RBM25: variants seen among roughly 807,000 people sequenced by gnomAD.
RBM25 encodes RNA-binding protein 25.
Under a neutral mutation model 120.7 loss-of-function variants are expected in RBM25, and 19 were observed. The observed-to-expected ratio is 0.16, with a 90% confidence interval of 0.11 to 0.23. RBM25 has a LOEUF of 0.23. RBM25 is among the 10% of genes least tolerant of loss of function. The pLI is 1.00. For missense variants in RBM25, 605 were observed against 1,041.5 expected (o/e 0.58, Z 5.77); for synonymous variants, 390 against 326.7 (o/e 1.19, Z -2.09).
At chr14:73,082,521 G>A (rs772154877) in intron 4 of RBM25, among the ~76,000 whole-genome samples, 1 of 152,020 alleles carries the variant, frequency 6.6e-6, no homozygotes, top group Non-Finnish European at 1.5e-5. Flanking sequence ...GAACTCCTGG[G>A]CTCAAGCAAT....
intron 2 of RBM25, among the ~76,000 whole-genome samples, chr14:73,071,979 CTTTT>C (rs915182451): frequency 7.0e-6 from 1 of 143,372 alleles, no homozygotes; most frequent in Non-Finnish European, 1.5e-5. Context: ...TTAAAAAATT[CTTTT>C]TTTTTTTGAG....
intron 1 of RBM25, chr14:73,070,038 G>A (rs1895244539): frequency 6.6e-6 from 1 of 151,892 alleles, no homozygotes; most frequent in East Asian, 1.9e-4. Flanking sequence ...TCTTTAACAT[G>A]ACAAACTAAG....
intron 1 of RBM25, among the ~76,000 whole-genome samples, chr14:73,060,031 T>G (rs547606240): frequency 7.9e-5 from 12 of 152,274 alleles, no homozygotes; most frequent in East Asian, 3.9e-4. Context: ...GTAATTTTTT[T>G]TTTTGTTTTG....
At chr14:73,087,943 A>T (rs1895726219) in intron 5 of RBM25, 58 bp from the exon 6 acceptor site, 1 of 1,543,562 alleles carries the variant, frequency 6.5e-7, no homozygotes, top group Admixed American at 2.0e-5. Context: ...CTTTTCCATA[A>T]TTTTTTTTCT....
Position 73,110,953 on chromosome 14 carries a change from G to A in RBM25, c.1815G>A (p.Glu605=), listed in dbSNP as rs1896298896. Residue 605 remains glutamate (E), a synonymous_variant, in exon 15 of 19, where the codon GAG becomes GAA. Coordinates refer to ENST00000261973, the MANE Select transcript of RBM25 (RefSeq NM_021239.3). ...EKREEPMEEE[E]EPEQKPCLKP... ...GAGAAGAACCCATGGAAGAGGAAGA[G>A]GAGCCAGAGCAAAAGCCTTGTCTGA... 1 of 1,612,806 alleles carries A rather than the reference G, an allele frequency of 6.2e-7. No individual in the cohort carries two copies. The highest frequency in any genetic ancestry group is 8.5e-7 in the Non-Finnish European group (1 of 1,179,308).
rs780600489 is a variant in RBM25, at chr14:73,103,338, G to A, written c.1014G>A (p.Glu338=). 1 of 1,593,518 alleles carries A rather than the reference G, an allele frequency of 6.3e-7. No homozygotes were observed. The highest frequency in any genetic ancestry group is 8.6e-7 in the Non-Finnish European group (1 of 1,168,884). The change falls in exon 10 of 19, where the codon GAG becomes GAA. Residue 338 remains glutamate, a synonymous_variant. Transcript: ENST00000261973. ...EREREREREK[E]KERERERERD... ...AAAGAGAACGTGAACGAGAAAAGGA[G>A]AAAGAACGGGAGCGGGAACGAGAAC...
At chr14:73,061,302 A>G (rs1021323127) in intron 1 of RBM25, among the ~76,000 whole-genome samples, 3 of 150,934 alleles carry the variant, frequency 2.0e-5, no homozygotes, top group African/African-American at 7.3e-5. Context: ...CAGGTGATCC[A>G]CCCGCCTTGG....
chr14:73,062,220 CA>C (rs986083350), intron 1 of RBM25, among the ~76,000 whole-genome samples: 2 of 151,216 alleles, frequency 1.3e-5, no homozygotes, highest in African/African-American at 2.4e-5. Flanking sequence ...GATTTCCAAA[CA>C]ATTGAGTATT....
intron 13 of RBM25, among the ~76,000 whole-genome samples, chr14:73,108,918 C>T (rs758569085): frequency 2.0e-4 from 31 of 152,294 alleles, no homozygotes; most frequent in South Asian, 6.2e-4. Context: ...ACACTACTTT[C>T]TGAGATAATT....
At chr14:73,114,871 G>C (rs1896391352) in intron 18 of RBM25, among the ~76,000 whole-genome samples, 1 of 152,174 alleles carries the variant, frequency 6.6e-6, no homozygotes, top group Non-Finnish European at 1.5e-5. Flanking sequence ...CTCCAGCCTG[G>C]TGACAGAGTG....
At position 73,061,534 on chromosome 14, in the gene RBM25, A is replaced by AT. The variant is rs147538251; in HGVS notation, c.-16+2834dup. 1.0e-2 allele frequency among the ~76,000 whole-genome samples: 1,506 copies of AT among 151,010 alleles called. 80 individuals are homozygous for AT. Among genetic ancestry groups the AT allele is most frequent in the Middle Eastern group, 0.034 (10 of 294 alleles). On this transcript the variant is annotated intron_variant, in intron 1 of 18. Transcript: ENST00000261973. ...CCACCCCAGTTTCAGGCAAGCCCTCATTTTTCTGTATAGATAGTAGTAGAT... is the reference window on the plus strand; with the variant it reads ...CCACCCCAGTTTCAGGCAAGCCCTCATTTTTTCTGTATAGATAGTAGTAGAT...
chr14:73,083,084 GAAAA>G (rs1230844413), intron 4 of RBM25, among the ~76,000 whole-genome samples: 1 of 150,524 alleles, frequency 6.6e-6, no homozygotes, highest in Non-Finnish European at 1.5e-5. Flanking sequence ...CGTCTCAAAA[GAAAA>G]AAAAATCCTT....
intron 1 of RBM25, among the ~76,000 whole-genome samples, chr14:73,066,175 G>A (rs1049732386): frequency 1.3e-5 from 2 of 152,106 alleles, no homozygotes; most frequent in African/African-American, 4.8e-5. Context: ...TTTAAAAAGA[G>A]ATACCACCCC....
intron 9 of RBM25, chr14:73,102,893 C>A: frequency 3.4e-6 from 1 of 289,890 alleles, no homozygotes; most frequent in Non-Finnish European, 6.3e-6. Context: ...TTCGAACCAC[C>A]ACATTCTTCA....
intron 6 of RBM25, among the ~76,000 whole-genome samples, chr14:73,094,047 G>GT (rs1333850923): frequency 1.3e-5 from 2 of 149,722 alleles, no homozygotes; most frequent in Non-Finnish European, 3.0e-5. Context: ...CGCCTCCCGG[G>GT]TTCACGCCAT....
At position 73,103,962 on chromosome 14, in the gene RBM25, A is replaced by ACG. The variant is rs1896120960; in HGVS notation, c.1154+485_1154+486insGC. ...CTCTCTCTCTCTCACACACACACAC[A>ACG]CACACACACACACACACACACACAC... is the stretch of plus-strand genomic sequence containing the variant. On this transcript the variant is annotated intron_variant, in intron 10 of 18. Transcript: ENST00000261973. Among the ~76,000 whole-genome samples, 2 of 121,232 alleles carry ACG rather than the reference A, an allele frequency of 1.6e-5. 1 individual carries two copies. The highest frequency in any genetic ancestry group is 6.4e-5 in the African/African-American group (2 of 31,016). 79.5% of individuals were successfully genotyped at this position (121,232 alleles called of 152,430 possible).
rs1054339912 is a variant in RBM25 at position 73,121,781 on chromosome 14, T to C, written c.*1976T>C. Reference sequence around the variant, plus strand: ...TCTCCTGCTCTGTCAACTGTACTTATCTTAAAGGGCCACTCTAAAAACAAG... The same window carrying C: ...TCTCCTGCTCTGTCAACTGTACTTACCTTAAAGGGCCACTCTAAAAACAAG... On this transcript the variant is annotated 3_prime_UTR_variant, in exon 19 of 19. Coordinates refer to ENST00000261973, the MANE Select transcript of RBM25 (RefSeq NM_021239.3). The C allele has an allele frequency of 1.3e-5, 2 of 152,244 alleles. No homozygotes were observed. Among genetic ancestry groups the C allele is most frequent in the East Asian group, 1.9e-4 (1 of 5,200 alleles). 9.4% of individuals were successfully genotyped at this position (152,244 alleles called of 1,614,324 possible).
chr14:73,091,966 T>A (rs1002501564), intron 6 of RBM25, among the ~76,000 whole-genome samples: 1 of 152,164 alleles, frequency 6.6e-6, no homozygotes, highest in Admixed American at 6.6e-5. Context: ...ATCAGTTATA[T>A]GATTTATTGT....
In RBM25 at chr14:73,111,795, T is replaced by C; in HGVS notation, c.2285T>C (p.Val762Ala). The C allele has an allele frequency of 6.3e-7, 1 of 1,582,790 alleles. No homozygotes were observed. The highest frequency in any genetic ancestry group is 8.6e-7 in the Non-Finnish European group (1 of 1,168,858). Residue 762 changes from valine (V) to alanine (A), a missense_variant, in exon 16 of 19, where the codon GTG (valine) becomes GCG (alanine). Val to Ala is a moderately conservative substitution (Grantham distance 64). Around this residue, in one of 4 missense-constraint regions of RBM25, gnomAD observed 465 missense variants for 741.6 expected, o/e 0.63. Coordinates refer to ENST00000261973, the MANE Select transcript of RBM25 (RefSeq NM_021239.3). Reference protein sequence around the residue: ...LFAYPLDWSIVDSILMERRIR... With the variant: ...LFAYPLDWSIADSILMERRIR... ...GCTTATCCCCTGGATTGGTCTATTG[T>C]GGATTCTGTGAGTAGGAAATTATAT...
Sources: gnomAD v4.1 joint callset for allele counts (sites outside exome capture counted in the v4.1 genomes callset) on GRCh38, gnomAD v4.1.1 for gene constraint, gnomAD v4.1.1 regional missense constraint, MANE v1.5 for transcripts, NCBI Gene and HGNC (gene_info 2026-07-23, HGNC 2026-07-21) for gene names.